SNTB2: variants seen among roughly 807,000 people sequenced by gnomAD.
SNTB2 encodes the protein beta-2-syntrophin.
In SNTB2, 34 loss-of-function variants were observed where a neutral mutation model predicts 46.2. That is an observed-to-expected ratio of 0.74 (90% CI 0.56 to 0.98). The LOEUF is 0.98. SNTB2 is among the 50% of genes least tolerant of loss of function. The pLI, the probability that SNTB2 is intolerant of heterozygous loss-of-function variation, is 0.00. For synonymous variants in SNTB2, 290 were observed against 312.6 expected (o/e 0.93, Z 0.76); for missense variants, 603 against 731.4 (o/e 0.82, Z 2.02).
Position 69,245,518 on chromosome 16 carries a change from A to G in SNTB2, c.581-84A>G, listed in dbSNP as rs1964661854. The G allele has an allele frequency of 6.1e-6, 8 of 1,303,570 alleles. No homozygotes were observed. In the Admixed American group the frequency reaches 1.0e-4, roughly 17 times the overall value. The allele number at this position is 1,303,570 out of a possible 1,614,324, so 80.8% of individuals were successfully genotyped here. ...CTCTTTCCTCCACTTTGTTATAGAT[A>G]TAGCATGTATGTGAATACTTTAGTT... is the stretch of plus-strand genomic sequence containing the variant. On this transcript the variant is annotated intron_variant, in intron 1 of 6. Transcript: ENST00000336278.
At chr16:69,212,060 T>G (rs1488298772) in intron 1 of SNTB2, among the ~76,000 whole-genome samples, 1 of 152,176 alleles carries the variant, frequency 6.6e-6, no homozygotes, top group East Asian at 1.9e-4. Flanking sequence ...CAACAACCTT[T>G]CAACAGTAAC....
chr16:69,232,636 C>T (rs1253260455), intron 1 of SNTB2, among the ~76,000 whole-genome samples: 2 of 150,720 alleles, frequency 1.3e-5, no homozygotes, highest in Non-Finnish European at 2.9e-5. Context: ...CTCAGCCTCC[C>T]GAGTAGCTGG....
intron 4 of SNTB2, among the ~76,000 whole-genome samples, chr16:69,280,628 G>A (rs1221653043): frequency 3.9e-5 from 6 of 152,026 alleles, no homozygotes; most frequent in Non-Finnish European, 7.4e-5. Context: ...GCGGCTGGCC[G>A]GGCAGAGGGG....
chr16:69,292,432 ATATTATATATATAT>A (rs1965181406), intron 5 of SNTB2, among the ~76,000 whole-genome samples: 3 of 18,890 alleles, frequency 1.6e-4, no homozygotes, highest in African/African-American at 9.3e-4. Flanking sequence ...ATATATATAT[ATATTATATATATAT>A]AATTTTTTTT....
chr16:69,187,193 G>A lies in SNTB2; in HGVS notation c.27G>A (p.Ala9=). The change falls in exon 1 of 7, where the codon GCG becomes GCA. Residue 9 remains alanine, a synonymous_variant. Transcript: ENST00000336278. MRVAAATA[A]AGAGPAMAVW... ...TGAGGGTAGCTGCGGCGACTGCGGCGGCTGGAGCGGGGCCGGCCATGGCGG... is the reference window on the plus strand; with the variant it reads ...TGAGGGTAGCTGCGGCGACTGCGGCAGCTGGAGCGGGGCCGGCCATGGCGG... The A allele has an allele frequency of 1.4e-6, 2 of 1,383,184 alleles. No homozygotes were observed. Among genetic ancestry groups the A allele is most frequent in the Non-Finnish European group, 1.9e-6 (2 of 1,066,494 alleles). 85.7% of individuals were successfully genotyped at this position (1,383,184 alleles called of 1,614,324 possible).
intron 1 of SNTB2, among the ~76,000 whole-genome samples, chr16:69,232,201 C>CT (rs1964512332): frequency 6.9e-6 from 1 of 145,408 alleles, no homozygotes; most frequent in Non-Finnish European, 1.5e-5. Flanking sequence ...ATAATTTTTT[C>CT]TTTTTTCTTT....
intron 2 of SNTB2, among the ~76,000 whole-genome samples, chr16:69,248,365 G>A (rs1043769998): frequency 2.0e-5 from 3 of 152,294 alleles, no homozygotes; most frequent in East Asian, 1.9e-4. Flanking sequence ...TGGGCGAGGT[G>A]GCTCACGCCT....
chr16:69,206,371 A>G (rs1597171814), intron 1 of SNTB2, among the ~76,000 whole-genome samples: 1 of 152,260 alleles, frequency 6.6e-6, no homozygotes, highest in East Asian at 1.9e-4. Flanking sequence ...CTATTTGATC[A>G]AGATGTGGGT....
At chr16:69,284,459 T>TGAAAAAAA (rs1567414678) in intron 5 of SNTB2, among the ~76,000 whole-genome samples, 1 of 45,866 alleles carries the variant, frequency 2.2e-5, no homozygotes, top group Non-Finnish European at 3.8e-5. Flanking sequence ...CCGTCTTTAC[T>TGAAAAAAA]AAAAAAAAAA....
chr16:69,242,960 G>A (rs1296752634), intron 1 of SNTB2, among the ~76,000 whole-genome samples: 1 of 150,248 alleles, frequency 6.7e-6, no homozygotes. Context: ...GGCAGAGTTT[G>A]CAGTGAGCTG....
At chr16:69,242,792 C>T (rs747222913) in intron 1 of SNTB2, among the ~76,000 whole-genome samples, 24 of 152,200 alleles carry the variant, frequency 1.6e-4, no homozygotes, top group Admixed American at 5.9e-4. Context: ...GAGGCCAAGG[C>T]GGGTGGATCA....
chr16:69,225,446 T>C (rs1018582977), intron 1 of SNTB2, among the ~76,000 whole-genome samples: 9 of 152,264 alleles, frequency 5.9e-5, no homozygotes, highest in African/African-American at 2.2e-4. Flanking sequence ...TGTTGTTGTC[T>C]AGTGGAAATT....
rs142160708 is a variant in SNTB2 at position 69,274,394 on chromosome 16, C to T, written c.1148+4109C>T. ...TCTGGCCCAGCGTGGTGGCTCACGC[C>T]TGTAATCCCAGCACTTTGGGAGGCC... On this transcript the variant is annotated intron_variant, in intron 4 of 6. Coordinates refer to ENST00000336278, the MANE Select transcript of SNTB2 (RefSeq NM_006750.4). 1.7e-3 allele frequency among the ~76,000 whole-genome samples: 256 copies of T among 152,078 alleles called. 6 individuals carry two copies. The East Asian group carries it at 0.041, about 24-fold the overall frequency.
intron 1 of SNTB2, among the ~76,000 whole-genome samples, chr16:69,215,824 A>G (rs2152292867): frequency 6.6e-6 from 1 of 152,240 alleles, no homozygotes. Flanking sequence ...TGTTTTTGAT[A>G]CAGGGTCCTG....
chr16:69,249,839 C>CTCAAAG, intron 2 of SNTB2, among the ~76,000 whole-genome samples: 1 of 152,244 alleles, frequency 6.6e-6, no homozygotes, highest in South Asian at 2.1e-4. Flanking sequence ...TGGCTAACAC[C>CTCAAAG]TGTAATCCCA....
At chr16:69,276,262 T>C (rs1597196531) in intron 4 of SNTB2, among the ~76,000 whole-genome samples, 1 of 151,924 alleles carries the variant, frequency 6.6e-6, no homozygotes, top group Non-Finnish European at 1.5e-5. Flanking sequence ...GCTGTGCTTA[T>C]GGGACTTGTG....
At chr16:69,220,220 G>A (rs1964388543) in intron 1 of SNTB2, among the ~76,000 whole-genome samples, 1 of 135,938 alleles carries the variant, frequency 7.4e-6, no homozygotes, top group Admixed American at 7.9e-5. Flanking sequence ...GGAGTGCAGT[G>A]GCATGATCTC....
At chr16:69,252,161 G>A (rs1964733452) in intron 2 of SNTB2, among the ~76,000 whole-genome samples, 1 of 152,152 alleles carries the variant, frequency 6.6e-6, no homozygotes, top group African/African-American at 2.4e-5. Context: ...GTATTAGAGG[G>A]AAATACCCTT....
At chr16:69,270,761 A>G (rs753028471) in intron 4 of SNTB2, among the ~76,000 whole-genome samples, 1 of 152,234 alleles carries the variant, frequency 6.6e-6, no homozygotes, top group Non-Finnish European at 1.5e-5. Flanking sequence ...TGAAATAAAC[A>G]TTGATTTGAC....
Sources: allele counts gnomAD v4.1 joint callset (sites outside exome capture counted in the v4.1 genomes callset), GRCh38; gene constraint gnomAD v4.1.1; transcripts MANE v1.5; gene names NCBI Gene and HGNC (gene_info 2026-07-23, HGNC 2026-07-21).